Variants in KPNA1 observed in about 807,000 individuals in gnomAD.
KPNA1 encodes importin subunit alpha-5.
A neutral mutation model predicts 70.5 loss-of-function variants in KPNA1; 10 were observed. That is an observed-to-expected ratio of 0.14 (90% CI 0.09 to 0.24). The LOEUF (loss-of-function observed/expected upper bound fraction) is 0.24. KPNA1 is among the 10% of genes least tolerant of loss of function. KPNA1 has a pLI of 1.00. For synonymous variants in KPNA1, 192 were observed against 221.9 expected, an observed-to-expected ratio of 0.87 and a Z score of 1.20; for missense variants, 397 against 637.9, an observed-to-expected ratio of 0.62 and a Z score of 4.07.
intron 2 of KPNA1, among the ~76,000 whole-genome samples, chr3:122,477,555 C>G (rs1241706113): frequency 6.6e-6 from 1 of 152,006 alleles, no homozygotes; most frequent in Non-Finnish European, 1.5e-5. Context: ...AAAAAATTAG[C>G]TGGGCAGGGT....
chr3:122,507,502 T>C, intron 1 of KPNA1, among the ~76,000 whole-genome samples: 1 of 151,740 alleles, frequency 6.6e-6, no homozygotes, highest in Middle Eastern at 3.4e-3. Context: ...GGAAATATTA[T>C]TTTATCTTCC....
At chr3:122,474,111 C>CA (rs1486549909) in intron 2 of KPNA1, among the ~76,000 whole-genome samples, 2 of 151,988 alleles carry the variant, frequency 1.3e-5, no homozygotes, top group Admixed American at 6.6e-5. Flanking sequence ...TTACACTCCC[C>CA]AAAAAACAGA....
At chr3:122,449,869 C>CA (rs1440709740) in intron 8 of KPNA1, 132 bp from the exon 9 acceptor site, 15 of 618,618 alleles carry the variant, frequency 2.4e-5, no homozygotes. Context: ...GATGAAGCAG[C>CA]AAGTACCTAA....
intron 2 of KPNA1, among the ~76,000 whole-genome samples, chr3:122,495,965 G>T (rs2076755984): frequency 6.6e-6 from 1 of 152,156 alleles, no homozygotes; most frequent in South Asian, 2.1e-4. Context: ...CACGAAGCAA[G>T]TGTAGCAAAC....
At chr3:122,430,479 A>G (rs138656033) in intron 12 of KPNA1, among the ~76,000 whole-genome samples, 59 of 147,450 alleles carry the variant, frequency 4.0e-4, no homozygotes, top group African/African-American at 1.4e-3. Context: ...GAACCTATCA[A>G]TGACATTAAG....
chr3:122,443,369 G>C (rs1284815036), intron 9 of KPNA1, among the ~76,000 whole-genome samples: 1 of 152,204 alleles, frequency 6.6e-6, no homozygotes, highest in Non-Finnish European at 1.5e-5. Context: ...CCACCTCTGG[G>C]GGCAGGGCAT....
intron 12 of KPNA1, among the ~76,000 whole-genome samples, chr3:122,429,643 T>C (rs2075873995): frequency 6.6e-6 from 1 of 152,024 alleles, no homozygotes; most frequent in Non-Finnish European, 1.5e-5. Context: ...ACTTGATCTA[T>C]AGATTCAATG....
intron 1 of KPNA1, among the ~76,000 whole-genome samples, chr3:122,499,907 G>C (rs1243548371): frequency 1.3e-5 from 2 of 152,176 alleles, no homozygotes; most frequent in South Asian, 4.1e-4. Context: ...TTCTTTAAAT[G>C]TTTGGTAAAA....
At chr3:122,475,694 T>A (rs2076490150) in intron 2 of KPNA1, among the ~76,000 whole-genome samples, 1 of 152,156 alleles carries the variant, frequency 6.6e-6, no homozygotes, top group Non-Finnish European at 1.5e-5. Context: ...ACAGCCTAAC[T>A]ACAAATATGC....
At chr3:122,481,250 T>C (rs996876285) in intron 2 of KPNA1, among the ~76,000 whole-genome samples, 1 of 152,168 alleles carries the variant, frequency 6.6e-6, no homozygotes, top group Non-Finnish European at 1.5e-5. Flanking sequence ...GAAGCATTAT[T>C]CACAATAGTA....
At chr3:122,505,134 C>T (rs1179986264) in intron 1 of KPNA1, among the ~76,000 whole-genome samples, 1 of 151,642 alleles carries the variant, frequency 6.6e-6, no homozygotes, top group African/African-American at 2.4e-5. Context: ...TGAAACCCCG[C>T]CTCTACTAAA....
chr3:122,488,839 T>C (rs573840443), intron 2 of KPNA1, among the ~76,000 whole-genome samples: 36 of 152,236 alleles, frequency 2.4e-4, no homozygotes, highest in Non-Finnish European at 4.8e-4. Flanking sequence ...TTGGCTATGA[T>C]ATGCCATGAC....
intron 8 of KPNA1, among the ~76,000 whole-genome samples, chr3:122,450,539 G>A (rs1261567981): frequency 3.9e-5 from 6 of 152,100 alleles, no homozygotes; most frequent in Admixed American, 6.5e-5. Context: ...CCGAGACCGC[G>A]CCACTGCACT....
At chr3:122,434,780 G>C (rs1296256747) in intron 11 of KPNA1, among the ~76,000 whole-genome samples, 2 of 152,116 alleles carry the variant, frequency 1.3e-5, no homozygotes, top group East Asian at 3.9e-4. Context: ...TTTCTTCCTG[G>C]CTCAAGTACC....
chr3:122,460,324 G>A, intron 5 of KPNA1: 1 of 984,954 alleles, frequency 1.0e-6, no homozygotes, highest in Non-Finnish European at 1.2e-6. Context: ...CTGACTGTTG[G>A]TTTCTTTTCT....
At chr3:122,452,757 AGGAGAGAC>A (rs1404298815) in intron 6 of KPNA1, among the ~76,000 whole-genome samples, 1 of 150,638 alleles carries the variant, frequency 6.6e-6, no homozygotes, top group African/African-American at 2.4e-5. Context: ...GACAGAGGGA[AGGAGAGAC>A]GGAGAGAAGG....
chr3:122,440,744 T>G (rs368155974), intron 10 of KPNA1, among the ~76,000 whole-genome samples: 1 of 152,156 alleles, frequency 6.6e-6, no homozygotes, highest in Non-Finnish European at 1.5e-5. Flanking sequence ...AAAGGATGAA[T>G]AGAGACAGAA....
At chr3:122,512,789 T>C (rs912474490) in intron 1 of KPNA1, among the ~76,000 whole-genome samples, 25 of 152,244 alleles carry the variant, frequency 1.6e-4, no homozygotes, top group African/African-American at 5.8e-4. Context: ...CTTTCTAATT[T>C]AGTTTATTCT....
chr3:122,431,172 T>C (rs1431262319), intron 12 of KPNA1, among the ~76,000 whole-genome samples: 1 of 152,250 alleles, frequency 6.6e-6, no homozygotes, highest in East Asian at 1.9e-4. Context: ...TTCTTTTTTA[T>C]CTTTTGAGAC....
Sources: allele counts gnomAD v4.1 joint callset (sites outside exome capture counted in the v4.1 genomes callset), GRCh38; gene constraint gnomAD v4.1.1; transcripts MANE v1.5; gene names NCBI Gene and HGNC (gene_info 2026-07-23, HGNC 2026-07-21).